The following PLEKHA6 variants were observed in gnomAD, a reference collection of about 807,000 sequenced individuals.
The protein encoded by PLEKHA6 is pleckstrin homology domain-containing family A member 6.
In PLEKHA6, 60 loss-of-function variants were observed where a neutral mutation model predicts 116.7. The observed-to-expected ratio is 0.51, with a 90% CI of 0.42 to 0.64. PLEKHA6 has a LOEUF of 0.64. PLEKHA6 is among the 30% of genes least tolerant of loss of function. The pLI is 0.00. For missense variants in PLEKHA6, 1,338 were observed against 1,422.7 expected (o/e 0.94, Z 0.96); for synonymous variants, 489 against 556.1 (o/e 0.88, Z 1.70).
intron 6 of PLEKHA6, among the ~76,000 whole-genome samples, chr1:204,264,190 C>T (rs1384321263): frequency 6.6e-6 from 1 of 152,140 alleles, no homozygotes; most frequent in Non-Finnish European, 1.5e-5. Flanking sequence ...GAAAAGGGAC[C>T]TATGATTTTT....
intron 1 of PLEKHA6, among the ~76,000 whole-genome samples, chr1:204,333,246 G>T (rs1052456061): frequency 6.6e-6 from 1 of 152,208 alleles, no homozygotes; most frequent in South Asian, 2.1e-4. Context: ...ATTTGTGTTT[G>T]TAGGATGACT....
chr1:204,293,090 G>T (rs1298690515), intron 1 of PLEKHA6, among the ~76,000 whole-genome samples: 3 of 152,166 alleles, frequency 2.0e-5, no homozygotes, highest in Non-Finnish European at 4.4e-5. Context: ...TGGGAGTGGG[G>T]GAGGGAGCAC....
chr1:204,326,038 G>T, intron 1 of PLEKHA6: 1 of 288,218 alleles, frequency 3.5e-6, no homozygotes, highest in Non-Finnish European at 5.2e-6. Context: ...AGCACAGGGA[G>T]CCATGCTTCC....
intron 9 of PLEKHA6, among the ~76,000 whole-genome samples, chr1:204,255,152 C>A (rs1268397198): frequency 2.6e-5 from 4 of 152,152 alleles, no homozygotes; most frequent in African/African-American, 9.7e-5. Flanking sequence ...CTTTAAAAAT[C>A]ATCCTAGGGA....
intron 3 of PLEKHA6, among the ~76,000 whole-genome samples, chr1:204,366,842 G>A (rs1261831396): frequency 6.6e-6 from 1 of 152,210 alleles, no homozygotes; most frequent in African/African-American, 2.4e-5. Context: ...AGATCTTGGC[G>A]GTGGGGGATT....
chr1:204,285,883 C>T (rs970595533), intron 1 of PLEKHA6, among the ~76,000 whole-genome samples: 2 of 152,194 alleles, frequency 1.3e-5, no homozygotes, highest in Non-Finnish European at 2.9e-5. Context: ...CTCCCTCCTG[C>T]TTTCCTTTTC....
chr1:204,336,350 T>C (rs1456615896), intron 1 of PLEKHA6, among the ~76,000 whole-genome samples: 1 of 152,234 alleles, frequency 6.6e-6, no homozygotes, highest in Admixed American at 6.5e-5. Flanking sequence ...AGTGCTTCTC[T>C]ACTGTCTGCA....
At chr1:204,307,964 A>G (rs1671457906) in intron 1 of PLEKHA6, 1 of 871,712 alleles carries the variant, frequency 1.1e-6, no homozygotes, top group African/African-American at 1.8e-5. Flanking sequence ...ATTAGGGAAT[A>G]TTCTCCTAAG....
At chr1:204,293,445 T>C (rs1669974318) in intron 1 of PLEKHA6, among the ~76,000 whole-genome samples, 1 of 152,184 alleles carries the variant, frequency 6.6e-6, no homozygotes, top group Non-Finnish European at 1.5e-5. Flanking sequence ...AATCAAGACT[T>C]ATTTTAACGC....
rs1161656120 is a variant in PLEKHA6 at position 204,223,077 on chromosome 1, G to C, written c.*9-298C>G. On this transcript the variant is annotated intron_variant, in intron 22 of 22. Transcript: ENST00000272203. This position sits in a 1 kb window ranked among gnomAD's most constrained non-coding sequence, Gnocchi z 4.8. ...GGAGAAACAGCTTCTGAGGGCTTCT[G>C]AAGGTTCTGCATCTGTGTATCTCAA... Among the ~76,000 whole-genome samples the C allele has an allele frequency of 6.6e-6, 1 of 152,194 alleles. No individual in the cohort carries two copies. Among genetic ancestry groups the C allele is most frequent in the Non-Finnish European group, 1.5e-5 (1 of 68,038 alleles).
chr1:204,267,926 G>A (rs569413955), intron 4 of PLEKHA6, among the ~76,000 whole-genome samples: 1 of 152,308 alleles, frequency 6.6e-6, no homozygotes, highest in South Asian at 2.1e-4. Context: ...TGGGGAGCTA[G>A]TGGGTTGTTC....
At chr1:204,248,466 T>C (rs897816706) in intron 12 of PLEKHA6, among the ~76,000 whole-genome samples, 38 of 152,332 alleles carry the variant, frequency 2.5e-4, no homozygotes, top group Middle Eastern at 3.4e-3. Context: ...CAGCAGCCTT[T>C]TTGCCAGTGC....
chr1:204,267,619 A>T (rs899276577), intron 4 of PLEKHA6, 72 bp from the exon 5 acceptor site: 1 of 1,294,418 alleles, frequency 7.7e-7, no homozygotes. Flanking sequence ...ATGCAGGGAA[A>T]AGGGCACAGT....
chr1:204,307,639 C>G (rs900643722), intron 1 of PLEKHA6, among the ~76,000 whole-genome samples: 1 of 152,238 alleles, frequency 6.6e-6, no homozygotes, highest in Non-Finnish European at 1.5e-5. Flanking sequence ...CTCACACCCC[C>G]AGTTCCTCGG....
intron 1 of PLEKHA6, among the ~76,000 whole-genome samples, chr1:204,333,833 G>A (rs2103281985): frequency 6.6e-6 from 1 of 152,212 alleles, no homozygotes; most frequent in South Asian, 2.1e-4. Context: ...TTCCAGACCG[G>A]GCAAGTTCAG....
chr1:204,372,878 T>C lies in PLEKHA6; in HGVS notation c.84-1272A>G, dbSNP rs550847036. 2.1e-4 allele frequency among the ~76,000 whole-genome samples: 32 copies of C among 151,238 alleles called. 1 individual carries two copies. The South Asian group carries it at 6.3e-3, about 30-fold the overall frequency. On this transcript the variant is annotated intron_variant, in intron 1 of 4. Transcript: ENST00000564627. ...ATCATACAATCATACAATACAGTCA[T>C]GCAATCATACAATCATACATCTTTC...
In PLEKHA6 at chr1:204,265,069, GT is replaced by G. The variant is rs757938466; in HGVS notation, c.281-28del. On this transcript the variant is annotated intron_variant, in intron 5 of 22. Transcript: ENST00000272203. ...TGTCAGGGAGAGAGGCACAAGAAGGGTGTGTGTGTGTGTGTGCAAGCGTGTG... is the reference window on the plus strand; with the variant it reads ...TGTCAGGGAGAGAGGCACAAGAAGGGGTGTGTGTGTGTGTGCAAGCGTGTG... The G allele has an allele frequency of 2.7e-4, 212 of 791,206 alleles. 1 individual carries two copies. The highest frequency in any genetic ancestry group is 3.6e-4 in the Non-Finnish European group (209 of 583,980). 49.0% of individuals were successfully genotyped at this position (791,206 alleles called of 1,614,324 possible).
chr1:204,371,812 C>T (rs1281641533), intron 1 of PLEKHA6, among the ~76,000 whole-genome samples: 1 of 152,218 alleles, frequency 6.6e-6, no homozygotes, highest in East Asian at 1.9e-4. Flanking sequence ...TATCGAATCC[C>T]TAACCTCAAA....
At chr1:204,337,133 C>T (rs930267763) in intron 1 of PLEKHA6, among the ~76,000 whole-genome samples, 2 of 152,228 alleles carry the variant, frequency 1.3e-5, no homozygotes, top group Non-Finnish European at 2.9e-5. Flanking sequence ...TTCTGTGATT[C>T]TGGCAACTCT....
Sources: allele counts gnomAD v4.1 joint callset (sites outside exome capture counted in the v4.1 genomes callset), GRCh38; gene constraint gnomAD v4.1.1; non-coding constraint Gnocchi (gnomAD v3.1); transcripts MANE v1.5; gene names NCBI Gene and HGNC (gene_info 2026-07-23, HGNC 2026-07-21).